The following PIK3R1 variants were observed in gnomAD, a reference collection of about 807,000 sequenced individuals.
PIK3R1 encodes phosphoinositide-3-kinase regulatory subunit 1, also known as phosphatidylinositol 3-kinase regulatory subunit alpha.
A neutral mutation model predicts 98.0 loss-of-function variants in PIK3R1; 29 were observed. The ratio of observed to expected loss-of-function variants is 0.30; its 90% CI spans 0.22 to 0.40. The LOEUF (loss-of-function observed/expected upper bound fraction) is 0.40, where lower values mean the gene tolerates loss of function less well. Ranked by LOEUF, PIK3R1 falls within the 10% of genes least tolerant of loss-of-function variation. The pLI, the probability that PIK3R1 is intolerant of heterozygous loss-of-function variation, is 1.00. For synonymous variants in PIK3R1, 282 were observed against 311.8 expected (o/e 0.90, Z 1.01); for missense variants, 596 against 872.7 (o/e 0.68, Z 3.99).
At chr5:68,269,603 T>G (rs764997879) in intron 2 of PIK3R1, among the ~76,000 whole-genome samples, 1 of 152,240 alleles carries the variant, frequency 6.6e-6, no homozygotes, top group Non-Finnish European at 1.5e-5. Context: ...TTGGAATTTC[T>G]TAAAGTGGAA....
At chr5:68,228,126 A>T (rs1024259833) in intron 2 of PIK3R1, among the ~76,000 whole-genome samples, 6 of 152,188 alleles carry the variant, frequency 3.9e-5, no homozygotes, top group Non-Finnish European at 8.8e-5. Flanking sequence ...GGTGGGCCTA[A>T]CTGCAGTAGT....
chr5:68,219,595 C>G (rs1744022897), intron 1 of PIK3R1, among the ~76,000 whole-genome samples: 1 of 152,252 alleles, frequency 6.6e-6, no homozygotes, highest in African/African-American at 2.4e-5. Context: ...GTCCTGACCT[C>G]TGTAGAGCCG....
At chr5:68,273,609 A>T in intron 3 of PIK3R1, 127 bp downstream of exon 3, 1 of 813,332 alleles carries the variant, frequency 1.2e-6, no homozygotes, top group Middle Eastern at 2.3e-4. Flanking sequence ...ACTCTGCTGG[A>T]CACTCAAACT....
intron 2 of PIK3R1, among the ~76,000 whole-genome samples, chr5:68,262,542 A>ATAGC (rs1470793655): frequency 1.5e-5 from 1 of 67,040 alleles, no homozygotes; most frequent in Non-Finnish European, 2.9e-5. Context: ...ATATAGATAC[A>ATAGC]TATCTAATGT....
chr5:68,259,901 G>C (rs1207377251), intron 2 of PIK3R1, among the ~76,000 whole-genome samples: 1 of 152,164 alleles, frequency 6.6e-6, no homozygotes, highest in Non-Finnish European at 1.5e-5. Flanking sequence ...TCTCTTATCA[G>C]TTAAATCCTG....
At chr5:68,241,284 C>T (rs1001776881) in intron 2 of PIK3R1, among the ~76,000 whole-genome samples, 2 of 151,726 alleles carry the variant, frequency 1.3e-5, no homozygotes, top group African/African-American at 4.8e-5. Context: ...TTAGTAAAAC[C>T]CCAGTGCATG....
intron 2 of PIK3R1, among the ~76,000 whole-genome samples, chr5:68,259,410 CAT>C (rs1477016508): frequency 1.3e-5 from 2 of 152,180 alleles, no homozygotes; most frequent in Non-Finnish European, 2.9e-5. Context: ...AAACTCTACT[CAT>C]TGACTATTTT....
At chr5:68,278,432 C>T (rs1223355987) in intron 4 of PIK3R1, among the ~76,000 whole-genome samples, 1 of 152,120 alleles carries the variant, frequency 6.6e-6, no homozygotes, top group African/African-American at 2.4e-5. Context: ...AATTCTGAGA[C>T]ATATCAACTC....
intron 7 of PIK3R1, chr5:68,290,965 T>G (rs1747357316): frequency 1.6e-6 from 1 of 621,096 alleles, no homozygotes; most frequent in African/African-American, 1.9e-5. Flanking sequence ...ATTAGTTTGC[T>G]CATGGCTTAA....
In PIK3R1 at chr5:68,300,811, T is replaced by C. The variant is rs1028995744; in HGVS notation, c.*3210T>C. The stretch of plus-strand genomic sequence containing the variant: ...TTTGTCTTACAAAGGTGAAAATTGT[T>C]TGTAAGTGAAGTGAGAAGTTCATAT... On this transcript the variant is annotated 3_prime_UTR_variant, in exon 16 of 16. Transcript: ENST00000521381. The C allele has an allele frequency of 3.0e-5, 7 of 232,470 alleles. No individual in the cohort carries two copies. Among genetic ancestry groups the C allele is most frequent in the Admixed American group, 1.1e-4 (2 of 17,736 alleles). The allele number at this position is 232,470 out of a possible 1,614,324, so 14.4% of individuals were successfully genotyped here.
chr5:68,277,085 C>T (rs543633160), intron 4 of PIK3R1, among the ~76,000 whole-genome samples: 164 of 152,296 alleles, frequency 1.1e-3, no homozygotes, highest in Non-Finnish European at 2.0e-3. Flanking sequence ...ATTATCTTAA[C>T]GTTTATACTG....
At chr5:68,270,133 G>A (rs1164282328) in intron 2 of PIK3R1, among the ~76,000 whole-genome samples, 1 of 151,892 alleles carries the variant, frequency 6.6e-6, no homozygotes, top group African/African-American at 2.4e-5. Context: ...ATCCTGACTT[G>A]GTGTAGCACA....
chr5:68,279,851 C>A, intron 5 of PIK3R1, 118 bp downstream of exon 5: 1 of 936,464 alleles, frequency 1.1e-6, no homozygotes, highest in Non-Finnish European at 1.6e-6. Flanking sequence ...ACCTGTCCCT[C>A]CCCCAACAAT....
intron 2 of PIK3R1, among the ~76,000 whole-genome samples, chr5:68,246,154 C>T (rs1328541581): frequency 3.3e-5 from 5 of 152,178 alleles, no homozygotes; most frequent in Admixed American, 6.5e-5. Context: ...TCTTCATTAC[C>T]GTACAAGTTT....
chr5:68,297,349 CCT>C, intron 15 of PIK3R1, 61 bp from the exon 16 acceptor site: 1 of 1,309,856 alleles, frequency 7.6e-7, no homozygotes, highest in Non-Finnish European at 1.1e-6. Context: ...TTAAAGATGC[CCT>C]GAAGAGTTGT....
intron 2 of PIK3R1, among the ~76,000 whole-genome samples, chr5:68,246,607 C>T (rs574880760): frequency 3.5e-4 from 54 of 152,282 alleles, no homozygotes; most frequent in African/African-American, 1.3e-3. Context: ...GCCACCGCGC[C>T]CGTCCATGTG....
chr5:68,292,093 ATTTTT>A, intron 7 of PIK3R1, 161 bp from the exon 8 acceptor site: 2 of 449,184 alleles, frequency 4.5e-6, no homozygotes, highest in Non-Finnish European at 8.0e-6. Flanking sequence ...GCTCTGAAAG[ATTTTT>A]TTTAAGAAAA....
intron 2 of PIK3R1, among the ~76,000 whole-genome samples, chr5:68,232,932 T>C (rs904763756): frequency 1.3e-5 from 2 of 152,242 alleles, no homozygotes; most frequent in African/African-American, 2.4e-5. Context: ...CAATTTTCTT[T>C]GTTATAAATA....
intron 2 of PIK3R1, among the ~76,000 whole-genome samples, chr5:68,254,934 C>A (rs886362793): frequency 6.6e-6 from 1 of 151,886 alleles, no homozygotes; most frequent in Admixed American, 6.6e-5. Context: ...ACTGAGTAAC[C>A]TCCAAATTCT....
Sources: allele counts gnomAD v4.1 joint callset (sites outside exome capture counted in the v4.1 genomes callset), GRCh38; gene constraint gnomAD v4.1.1; transcripts MANE v1.5; gene names NCBI Gene and HGNC (gene_info 2026-07-23, HGNC 2026-07-21).